The following TBCK variants were observed in gnomAD, a reference collection of about 807,000 sequenced individuals.
TBCK encodes TBC domain-containing protein kinase-like protein.
A neutral mutation model predicts 113.4 loss-of-function variants in TBCK; 99 were observed. The ratio of observed to expected loss-of-function variants is 0.87; its 90% CI spans 0.74 to 1.03. TBCK has a LOEUF of 1.03. Ranked by LOEUF, TBCK falls within the 50% of genes least tolerant of loss-of-function variation. The pLI is 0.00. For missense variants in TBCK, 1,045 were observed against 1,061.3 expected (o/e 0.98, Z 0.21); for synonymous variants, 369 against 370.8 (o/e 1.00, Z 0.05).
chr4:106,305,665 G>C (rs1767441664), intron 2 of TBCK, among the ~76,000 whole-genome samples: 1 of 152,160 alleles, frequency 6.6e-6, no homozygotes, highest in Admixed American at 6.5e-5. Context: ...CTACTGGGCT[G>C]CATTCCTAAG....
intron 3 of TBCK, among the ~76,000 whole-genome samples, chr4:106,278,558 CAA>C (rs376599844): frequency 1.4e-4 from 3 of 22,154 alleles, no homozygotes; most frequent in East Asian, 1.6e-3. Context: ...AACTCTGTCT[CAA>C]AAAAAAAAAA....
rs1473729683 is a variant in TBCK, at chr4:106,139,163, G to T, written c.2236-22785C>A. On this transcript the variant is annotated intron_variant, in intron 23 of 25. Transcript: ENST00000394708. ...TGCCCCCACATCACTCTCCTCACTA[G>T]ATAACCAAAGGATGTCAACTAAATG... is the stretch of plus-strand genomic sequence containing the variant. Among the ~76,000 whole-genome samples, 4 of 140,534 alleles carry T rather than the reference G, an allele frequency of 2.8e-5. 1 individual carries two copies. The highest frequency in any genetic ancestry group is 2.1e-4 in the Admixed American group (3 of 14,244). 92.2% of individuals were successfully genotyped at this position (140,534 alleles called of 152,430 possible).
chr4:106,122,578 C>T (rs942625375), intron 23 of TBCK, among the ~76,000 whole-genome samples: 6 of 152,042 alleles, frequency 3.9e-5, no homozygotes, highest in African/African-American at 1.4e-4. Context: ...GCAAAAAAAG[C>T]GAATTTTAGA....
intron 23 of TBCK, among the ~76,000 whole-genome samples, chr4:106,145,716 ATTTG>A (rs1219053317): frequency 2.0e-5 from 3 of 152,052 alleles, no homozygotes; most frequent in African/African-American, 4.8e-5. Context: ...TCTCTTGTAA[ATTTG>A]TTTAAGTTCC....
At chr4:106,076,670 C>T (rs964157793) in intron 25 of TBCK, among the ~76,000 whole-genome samples, 10 of 152,020 alleles carry the variant, frequency 6.6e-5, no homozygotes, top group Non-Finnish European at 1.0e-4. Flanking sequence ...TAGACCTTTC[C>T]GCAGAAACTT....
At chr4:106,222,255 A>G (rs1327225158) in intron 19 of TBCK, among the ~76,000 whole-genome samples, 1 of 151,974 alleles carries the variant, frequency 6.6e-6, no homozygotes, top group Non-Finnish European at 1.5e-5. Context: ...ATAAATTGTC[A>G]TCTTCCCTTC....
At chr4:106,061,519 C>T (rs1356074216) in intron 25 of TBCK, among the ~76,000 whole-genome samples, 1 of 149,468 alleles carries the variant, frequency 6.7e-6, no homozygotes, top group Non-Finnish European at 1.5e-5. Context: ...CTGTTGCATA[C>T]TTACTAGACT....
chr4:106,172,621 CCT>C (rs1280877242), intron 22 of TBCK, among the ~76,000 whole-genome samples: 1 of 151,910 alleles, frequency 6.6e-6, no homozygotes, highest in Non-Finnish European at 1.5e-5. Flanking sequence ...TTTTTCTCCC[CCT>C]CTTTTTGAAA....
At chr4:106,238,760 C>T (rs1759751192) in intron 12 of TBCK, 1 of 152,156 alleles carries the variant, frequency 6.6e-6, no homozygotes, top group Non-Finnish European at 1.5e-5. Context: ...AGAATCAGAG[C>T]ATTGTGATGT....
intron 20 of TBCK, among the ~76,000 whole-genome samples, chr4:106,207,996 AT>A (rs1255117005): frequency 6.6e-6 from 1 of 152,120 alleles, no homozygotes; most frequent in Non-Finnish European, 1.5e-5. Context: ...GTGTAGAGGC[AT>A]TTTTTTGTAA....
intron 3 of TBCK, among the ~76,000 whole-genome samples, chr4:106,284,409 T>C (rs1331857296): frequency 6.6e-6 from 1 of 152,122 alleles, no homozygotes; most frequent in Non-Finnish European, 1.5e-5. Flanking sequence ...AACTCACTAA[T>C]TTGAGTAAGT....
rs1193940739 is a variant in TBCK, at chr4:106,251,862, A to C, written c.597+4T>G. ...TTATTATATTAATATTTCTTTATACATACCACACAAAGCTCAAATAAAATG... is the reference window on the plus strand; with the variant it reads ...TTATTATATTAATATTTCTTTATACCTACCACACAAAGCTCAAATAAAATG... On this transcript the variant is annotated splice_donor_region_variant and intron_variant, in intron 6 of 25. Transcript: ENST00000394708. 4 of 1,586,126 alleles carry C rather than the reference A, an allele frequency of 2.5e-6. No homozygotes were observed. Among genetic ancestry groups the C allele is most frequent in the Non-Finnish European group, 3.4e-6 (4 of 1,167,482 alleles).
At chr4:106,161,398 C>T (rs1219904832) in intron 23 of TBCK, among the ~76,000 whole-genome samples, 3 of 151,982 alleles carry the variant, frequency 2.0e-5, no homozygotes, top group Non-Finnish European at 4.4e-5. Flanking sequence ...ACAAGAGGGG[C>T]CTCATTTTTT....
In TBCK at chr4:106,261,391, T is replaced by C. The variant is rs144199632; in HGVS notation, c.381+707A>G. The stretch of plus-strand genomic sequence containing the variant: ...TCAAACTCCTGGGCTCAAGCAATGT[T>C]CTCATCTCAGCCTCCCAAGTATTGA... On this transcript the variant is annotated intron_variant, in intron 4 of 25. Coordinates refer to ENST00000394708, the MANE Select transcript of TBCK (RefSeq NM_001163435.3). 5.7e-3 allele frequency among the ~76,000 whole-genome samples: 861 copies of C among 152,108 alleles called. 10 individuals carry two copies. The highest frequency in any genetic ancestry group is 0.02 in the African/African-American group (841 of 41,502).
intron 23 of TBCK, among the ~76,000 whole-genome samples, chr4:106,159,290 G>A (rs1242250185): frequency 1.3e-5 from 2 of 152,024 alleles, no homozygotes; most frequent in Non-Finnish European, 2.9e-5. Flanking sequence ...GTCCTAGCTG[G>A]AGAAATTAGG....
chr4:106,119,175 A>T (rs1743940557), intron 23 of TBCK, among the ~76,000 whole-genome samples: 1 of 152,230 alleles, frequency 6.6e-6, no homozygotes, highest in Admixed American at 6.5e-5. Flanking sequence ...TTGTGTGTCT[A>T]TATCACATTT....
intron 24 of TBCK, among the ~76,000 whole-genome samples, chr4:106,098,870 A>G (rs1448238084): frequency 6.6e-6 from 1 of 152,068 alleles, no homozygotes; most frequent in Non-Finnish European, 1.5e-5. Context: ...GATACTACCA[A>G]AAGTATTTGA....
chr4:106,070,670 G>T (rs897636882), intron 25 of TBCK, among the ~76,000 whole-genome samples: 1 of 151,822 alleles, frequency 6.6e-6, no homozygotes, highest in African/African-American at 2.4e-5. Flanking sequence ...AATGAGTTAG[G>T]GAGGATTCCC....
At chr4:106,148,607 T>C (rs1011158629) in intron 23 of TBCK, among the ~76,000 whole-genome samples, 2 of 152,232 alleles carry the variant, frequency 1.3e-5, no homozygotes, top group East Asian at 1.9e-4. Context: ...AAGAAATCTT[T>C]TTCCCTGAGC....
Sources: allele counts gnomAD v4.1 joint callset (sites outside exome capture counted in the v4.1 genomes callset), GRCh38; gene constraint gnomAD v4.1.1; transcripts MANE v1.5; gene names NCBI Gene and HGNC (gene_info 2026-07-23, HGNC 2026-07-21).